ZSCAN5A: variants seen among roughly 807,000 people sequenced by gnomAD.
ZSCAN5A encodes zinc finger and SCAN domain-containing protein 5A.
A neutral mutation model predicts 23.7 loss-of-function variants in ZSCAN5A; 12 were observed. That is an observed-to-expected ratio of 0.51 (90% CI 0.32 to 0.82). The LOEUF (loss-of-function observed/expected upper bound fraction) is 0.82. ZSCAN5A is among the 40% of genes least tolerant of loss of function. The pLI is 0.03. For synonymous variants in ZSCAN5A, 257 were observed against 239.9 expected (o/e 1.07, Z -0.66); for missense variants, 597 against 617.9 (o/e 0.97, Z 0.36).
chr19:56,265,704 A>G (rs1463770328), intron 2 of ZSCAN5A, among the ~76,000 whole-genome samples: 1 of 151,842 alleles, frequency 6.6e-6, no homozygotes, highest in Admixed American at 6.6e-5. Context: ...GGAAACCAAG[A>G]GATTTCTGTA....
intron 2 of ZSCAN5A, among the ~76,000 whole-genome samples, chr19:56,241,277 G>C (rs1056805171): frequency 3.3e-5 from 5 of 152,176 alleles, no homozygotes; most frequent in Admixed American, 3.3e-4. Context: ...ACTTTTTTAA[G>C]AGACAGGATC....
At chr19:56,339,272 C>CCA (rs2041569732) in intron 2 of ZSCAN5A, among the ~76,000 whole-genome samples, 1 of 152,120 alleles carries the variant, frequency 6.6e-6, no homozygotes, top group East Asian at 1.9e-4. Flanking sequence ...GCAGCTGTAG[C>CCA]CATATTTAGC....
chr19:56,248,373 G>A (rs568160329), intron 2 of ZSCAN5A, among the ~76,000 whole-genome samples: 3 of 152,180 alleles, frequency 2.0e-5, no homozygotes, highest in Admixed American at 6.5e-5. Context: ...CAATTCTGCC[G>A]TCTTGGCCGC....
At chr19:56,342,129 G>C (rs2041597629) in intron 2 of ZSCAN5A, among the ~76,000 whole-genome samples, 1 of 151,860 alleles carries the variant, frequency 6.6e-6, no homozygotes, top group Non-Finnish European at 1.5e-5. Context: ...AAAAGTTTTT[G>C]ATTTGCTTAT....
intron 1 of ZSCAN5A, among the ~76,000 whole-genome samples, chr19:56,363,711 C>A (rs1186046996): frequency 6.6e-6 from 1 of 152,178 alleles, no homozygotes; most frequent in East Asian, 1.9e-4. Flanking sequence ...TCCTTTAGGA[C>A]TCTGTGAACA....
intron 2 of ZSCAN5A, among the ~76,000 whole-genome samples, chr19:56,286,862 G>A (rs780764672): frequency 8.5e-5 from 13 of 152,184 alleles, no homozygotes; most frequent in South Asian, 2.1e-4. Context: ...GAATGCTAGT[G>A]GGGCTTCCCA....
At chr19:56,255,203 C>T (rs2036613005) in intron 2 of ZSCAN5A, among the ~76,000 whole-genome samples, 1 of 152,102 alleles carries the variant, frequency 6.6e-6, no homozygotes, top group African/African-American at 2.4e-5. Flanking sequence ...AAGGAACTTC[C>T]ATTTTAGTTA....
At chr19:56,317,009 G>A (rs1054556934), upstream of ZSCAN5A, among the ~76,000 whole-genome samples, 3 of 152,170 alleles carry the variant, frequency 2.0e-5, no homozygotes, top group Admixed American at 2.0e-4. Flanking sequence ...GCTAATTTCT[G>A]TATATTTTGT....
chr19:56,293,602 G>T (rs954286105), intron 2 of ZSCAN5A, among the ~76,000 whole-genome samples: 1 of 152,212 alleles, frequency 6.6e-6, no homozygotes, highest in Admixed American at 6.5e-5. Context: ...AAGGGCTCAG[G>T]CCCCTGGTCG....
chr19:56,282,463 G>C (rs563391056), intron 2 of ZSCAN5A: 82 of 985,146 alleles, frequency 8.3e-5, no homozygotes, highest in Middle Eastern at 5.2e-4. Context: ...CATCGGTCCT[G>C]TCCTTCCTGC....
At chr19:56,344,849 G>T (rs1240992322) in intron 2 of ZSCAN5A, among the ~76,000 whole-genome samples, 1 of 142,976 alleles carries the variant, frequency 7.0e-6, no homozygotes, top group Non-Finnish European at 1.5e-5. Context: ...CTTGCAGTGA[G>T]CCGAGATTGC....
intron 2 of ZSCAN5A, among the ~76,000 whole-genome samples, chr19:56,307,248 G>A (rs2040748009): frequency 6.6e-6 from 1 of 151,984 alleles, no homozygotes; most frequent in Admixed American, 6.6e-5. Context: ...CCTCTCCCTG[G>A]CATCCCCAGT....
intron 2 of ZSCAN5A, among the ~76,000 whole-genome samples, chr19:56,227,297 T>G (rs2034044427): frequency 6.6e-6 from 1 of 152,218 alleles, no homozygotes; most frequent in African/African-American, 2.4e-5. Context: ...TATATACAAT[T>G]TTTAGTTTTC....
intron 2 of ZSCAN5A, among the ~76,000 whole-genome samples, chr19:56,244,764 C>T (rs893813347): frequency 2.2e-4 from 33 of 150,796 alleles, no homozygotes; most frequent in African/African-American, 8.2e-4. Context: ...CTGTGTGAGG[C>T]CAACATGAAA....
chr19:56,280,938 G>T (rs892533373), intron 2 of ZSCAN5A, among the ~76,000 whole-genome samples: 11 of 152,154 alleles, frequency 7.2e-5, no homozygotes, highest in South Asian at 2.1e-4. Flanking sequence ...CAATGTGAGA[G>T]TTAGGGGCAC....
chr19:56,340,163 C>T (rs2041580150), intron 2 of ZSCAN5A, among the ~76,000 whole-genome samples: 2 of 152,056 alleles, frequency 1.3e-5, no homozygotes, highest in African/African-American at 2.4e-5. Context: ...GCCAACTGGA[C>T]CTAGAAGGAT....
intron 2 of ZSCAN5A, among the ~76,000 whole-genome samples, chr19:56,348,517 C>T (rs572273521): frequency 3.5e-4 from 54 of 152,250 alleles, no homozygotes; most frequent in Admixed American, 7.2e-4. Context: ...GCAGGATAAG[C>T]AGTAGTCACT....
intron 1 of ZSCAN5A, chr19:56,367,134 A>T (rs1244525728): frequency 6.6e-6 from 1 of 152,126 alleles, no homozygotes; most frequent in Non-Finnish European, 1.5e-5. Flanking sequence ...TCAATGTGGG[A>T]GGATCGCTTG....
chr19:56,355,875 G>T (rs2041697928), intron 2 of ZSCAN5A, among the ~76,000 whole-genome samples: 1 of 148,672 alleles, frequency 6.7e-6, no homozygotes, highest in Non-Finnish European at 1.5e-5. Flanking sequence ...TGATTATGAT[G>T]ACCTCAAGTC....
Sources: allele counts gnomAD v4.1 joint callset (sites outside exome capture counted in the v4.1 genomes callset), GRCh38; gene constraint gnomAD v4.1.1; transcripts MANE v1.5; gene names NCBI Gene and HGNC (gene_info 2026-07-23, HGNC 2026-07-21).